Variants in ZHX2 observed in about 807,000 individuals in gnomAD.
ZHX2 encodes zinc fingers and homeoboxes protein 2.
A neutral mutation model predicts 21.9 loss-of-function variants in ZHX2; 6 were observed. The ratio of observed to expected loss-of-function variants is 0.27; its 90% confidence interval spans 0.15 to 0.54. ZHX2 has a LOEUF of 0.54. ZHX2 is among the 20% of genes least tolerant of loss of function. The pLI is 0.95. For synonymous variants in ZHX2, 434 were observed against 437.1 expected, an observed-to-expected ratio of 0.99 and a Z score of 0.09; for missense variants, 908 against 1,090.7, an observed-to-expected ratio of 0.83 and a Z score of 2.36.
chr8:122,838,672 T>C (rs1444606280), intron 1 of ZHX2, among the ~76,000 whole-genome samples: 1 of 148,298 alleles, frequency 6.7e-6, no homozygotes, highest in African/African-American at 2.5e-5. Flanking sequence ...ATCTCCCAGG[T>C]TCAAGCGATT....
At position 122,953,605 on chromosome 8, in the gene ZHX2, A is replaced by G. The variant is rs1364934890; in HGVS notation, c.2095A>G (p.Met699Val). The change falls in exon 3 of 4, where the codon ATG (methionine) becomes GTG (valine). Residue 699 changes from methionine to valine, a missense_variant. Physicochemically the swap from Met to Val is conservative, Grantham distance 21. Around this residue, in one of 4 missense-constraint regions of ZHX2, gnomAD observed 431 missense variants for 428.6 expected, o/e 1.01. Transcript: ENST00000314393. This position sits in a 1 kb window ranked among gnomAD's most constrained non-coding sequence, Gnocchi z 4.6. ...KWMEQYQHQP[M>V]ADDHGYDAVA... ...GATGGAGCAGTACCAGCACCAGCCC[A>G]TGGCAGATGATCACGGCTACGATGC... 2 of 1,614,198 alleles carry G rather than the reference A, an allele frequency of 1.2e-6. No individual in the cohort carries two copies. Among genetic ancestry groups the G allele is most frequent in the South Asian group, 1.1e-5 (1 of 91,088 alleles).
At chr8:122,874,986 T>C (rs975581796) in intron 2 of ZHX2, among the ~76,000 whole-genome samples, 12 of 151,806 alleles carry the variant, frequency 7.9e-5, no homozygotes, top group Admixed American at 7.2e-4. Flanking sequence ...TCCCTTTCCT[T>C]GACTGTAAAA....
chr8:122,890,521 G>T lies in ZHX2; in HGVS notation c.-220+26982G>T, dbSNP rs539567415. On this transcript the variant is annotated intron_variant, in intron 2 of 3. Transcript: ENST00000314393. Reference sequence around the variant, plus strand: ...TGTCATTGGTATTTTGAAAGAGGTTGAATTGAATCTGTAGATGTCTTTATA... The same window carrying T: ...TGTCATTGGTATTTTGAAAGAGGTTTAATTGAATCTGTAGATGTCTTTATA... Among the ~76,000 whole-genome samples the T allele has an allele frequency of 2.6e-5, 4 of 152,204 alleles. No individual in the cohort carries two copies. The East Asian group carries it at 7.7e-4, about 29-fold the overall frequency.
chr8:122,813,206 AAAAAAAG>A (rs1343596109), intron 1 of ZHX2, among the ~76,000 whole-genome samples: 2 of 151,968 alleles, frequency 1.3e-5, no homozygotes, highest in African/African-American at 4.8e-5. Context: ...CAAAAAAAAA[AAAAAAAG>A]AAAAAAAAGA....
At chr8:122,799,756 C>T (rs1374923575) in intron 1 of ZHX2, among the ~76,000 whole-genome samples, 1 of 152,242 alleles carries the variant, frequency 6.6e-6, no homozygotes, top group Non-Finnish European at 1.5e-5. Context: ...CCTTTTTCCC[C>T]AGATTCTCGA....
intron 1 of ZHX2, among the ~76,000 whole-genome samples, chr8:122,835,865 C>T (rs79037243): frequency 1.9e-4 from 29 of 152,166 alleles, no homozygotes; most frequent in Non-Finnish European, 1.0e-4. Flanking sequence ...GTTTCATTTG[C>T]GGGCCATTTG....
At chr8:122,965,480 T>C (rs564307137) in intron 3 of ZHX2, among the ~76,000 whole-genome samples, 25 of 152,348 alleles carry the variant, frequency 1.6e-4, no homozygotes, top group Admixed American at 9.1e-4. Context: ...TCGGAGTTAA[T>C]TTCCAATGTT....
chr8:122,899,191 A>T (rs987583798), intron 2 of ZHX2, among the ~76,000 whole-genome samples: 1 of 151,684 alleles, frequency 6.6e-6, no homozygotes. Flanking sequence ...TGCATTTTCT[A>T]TTTTTTTTCT....
At chr8:122,863,327 G>C (rs1819212239) in intron 1 of ZHX2, 150 bp from the exon 2 acceptor site, 1 of 150,686 alleles carries the variant, frequency 6.6e-6, no homozygotes, top group Non-Finnish European at 1.5e-5. Context: ...TTTGAGGTTG[G>C]TTTAATGAGC....
chr8:122,964,173 G>A (rs974598238), intron 3 of ZHX2, among the ~76,000 whole-genome samples: 3 of 152,034 alleles, frequency 2.0e-5, no homozygotes, highest in African/African-American at 7.2e-5. Flanking sequence ...AGGACTTCTG[G>A]TATTGTGTTG....
intron 2 of ZHX2, among the ~76,000 whole-genome samples, chr8:122,891,607 G>C (rs1819982006): frequency 6.6e-6 from 1 of 152,008 alleles, no homozygotes; most frequent in African/African-American, 2.4e-5. Flanking sequence ...TATCCCATAG[G>C]TTTTGGTATG....
chr8:122,866,185 G>A (rs1819291086), intron 2 of ZHX2, among the ~76,000 whole-genome samples: 1 of 152,146 alleles, frequency 6.6e-6, no homozygotes, highest in Admixed American at 6.5e-5. Context: ...AATCATTTAG[G>A]ACCCCAGCTT....
chr8:122,949,853 G>A lies in ZHX2; in HGVS notation c.-219-1439G>A, dbSNP rs568613128. On this transcript the variant is annotated intron_variant, in intron 2 of 3. Transcript: ENST00000314393. ...AGAGGCTGCAGTGAGCTAGAATTGTGCCACTGCACTGCAACCTGGGTGACA... is the reference window on the plus strand; with the variant it reads ...AGAGGCTGCAGTGAGCTAGAATTGTACCACTGCACTGCAACCTGGGTGACA... Among the ~76,000 whole-genome samples the A allele has an allele frequency of 5.6e-4, 86 of 152,294 alleles. 4 individuals carry two copies. In the South Asian group the frequency reaches 0.017, roughly 31 times the overall value.
intron 1 of ZHX2, among the ~76,000 whole-genome samples, chr8:122,798,945 T>A (rs1369239723): frequency 2.0e-5 from 3 of 152,228 alleles, no homozygotes; most frequent in Non-Finnish European, 4.4e-5. Context: ...AAAGCCAACA[T>A]TTGAATCACC....
At chr8:122,935,092 G>T (rs138632062) in intron 2 of ZHX2, among the ~76,000 whole-genome samples, 1 of 151,632 alleles carries the variant, frequency 6.6e-6, no homozygotes, top group Non-Finnish European at 1.5e-5. Context: ...ACTATTATTT[G>T]GGATTAAAAT....
At chr8:122,930,983 C>T (rs1820976757) in intron 2 of ZHX2, among the ~76,000 whole-genome samples, 1 of 152,124 alleles carries the variant, frequency 6.6e-6, no homozygotes, top group Non-Finnish European at 1.5e-5. Flanking sequence ...TGGGAGGCCT[C>T]CCTGGCCTGA....
chr8:122,886,426 T>C (rs1435381227), intron 2 of ZHX2, among the ~76,000 whole-genome samples: 2 of 152,160 alleles, frequency 1.3e-5, no homozygotes, highest in Non-Finnish European at 2.9e-5. Context: ...TCAAAACCCA[T>C]AGAACTGGAC....
At chr8:122,902,516 T>C (rs1008489542) in intron 2 of ZHX2, among the ~76,000 whole-genome samples, 3 of 152,204 alleles carry the variant, frequency 2.0e-5, no homozygotes, top group Admixed American at 2.0e-4. Flanking sequence ...CATAAGGACC[T>C]GAGGACAATG....
At chr8:122,849,630 A>T (rs1818840009) in intron 1 of ZHX2, among the ~76,000 whole-genome samples, 1 of 151,888 alleles carries the variant, frequency 6.6e-6, no homozygotes, top group Non-Finnish European at 1.5e-5. Context: ...TCTCCTCTGG[A>T]TGTCTCAGGT....
Sources: gnomAD v4.1 joint callset for allele counts (sites outside exome capture counted in the v4.1 genomes callset) on GRCh38, gnomAD v4.1.1 for gene constraint, gnomAD v4.1.1 regional missense constraint, Gnocchi (gnomAD v3.1) non-coding constraint, MANE v1.5 for transcripts, NCBI Gene and HGNC (gene_info 2026-07-23, HGNC 2026-07-21) for gene names.